Variants in MYO9A observed in about 807,000 individuals in gnomAD.
MYO9A encodes myosin IXA.
In MYO9A, 103 loss-of-function variants were observed where a neutral mutation model predicts 293.3. The observed-to-expected ratio is 0.35, with a 90% CI of 0.30 to 0.41. The LOEUF (loss-of-function observed/expected upper bound fraction) is 0.41, where lower values mean the gene tolerates loss of function less well. MYO9A is among the 10% of genes least tolerant of loss of function. The probability of loss-of-function intolerance (pLI) is 1.00; values close to 1 mark genes in which losing one functional copy is unlikely to be tolerated. For missense variants in MYO9A, 2,685 were observed against 3,033.0 expected, an observed-to-expected ratio of 0.89 and a Z score of 2.69; for synonymous variants, 1,001 against 1,035.7, an observed-to-expected ratio of 0.97 and a Z score of 0.64.
rs775016736 is a variant in MYO9A, at chr15:71,826,729, G to T, written c.7498C>A (p.Gln2500Lys). Reference protein sequence around the residue: ...RGTFNPEKGKQKLKNVKNSPQ... With the variant: ...RGTFNPEKGKKKLKNVKNSPQ... ...GAGTTTTTCACATTCTTTAATTTTT[G>T]TTTGCCCTTTTCCGGGTTGAAGGTT... The change falls in exon 42 of 42, where the codon CAA (glutamine) becomes AAA (lysine). Residue 2500 changes from glutamine to lysine, a missense_variant. By Grantham distance (53) the Gln-to-Lys change is moderately conservative. Around this residue, in one of 10 missense-constraint regions of MYO9A, gnomAD observed 350 missense variants for 328.9 expected, o/e 1.06. Coordinates refer to ENST00000356056, the MANE Select transcript of MYO9A (RefSeq NM_006901.4). 1 of 1,614,056 alleles carries T rather than the reference G, an allele frequency of 6.2e-7. No homozygotes were observed. The highest frequency in any genetic ancestry group is 8.5e-7 in the Non-Finnish European group (1 of 1,179,972).
At chr15:72,054,358 T>C (rs1169198046) in intron 1 of MYO9A, among the ~76,000 whole-genome samples, 2 of 152,126 alleles carry the variant, frequency 1.3e-5, no homozygotes, top group South Asian at 2.1e-4. Flanking sequence ...TAGCAGATGT[T>C]GATCGAATCT....
At chr15:72,058,404 G>A (rs1189579876) in intron 1 of MYO9A, among the ~76,000 whole-genome samples, 1 of 151,878 alleles carries the variant, frequency 6.6e-6, no homozygotes, top group Non-Finnish European at 1.5e-5. Context: ...GCAATTCTTA[G>A]ACAAAAATAA....
chr15:71,854,515 T>C lies in MYO9A; in HGVS notation c.6208A>G (p.Ser2070Gly). The C allele has an allele frequency of 6.2e-7, 1 of 1,612,968 alleles. No homozygotes were observed. The change falls in exon 35 of 42, where the codon AGT becomes GGT. Residue 2070 changes from serine (S) to glycine (G), a missense_variant. Coordinates refer to ENST00000356056, the MANE Select transcript of MYO9A (RefSeq NM_006901.4). ...QFGVELSRLTSEDRTVPLVVE... is the reference protein window; with the variant it reads ...QFGVELSRLTGEDRTVPLVVE... ...ACTAAAGGAACAGTTCGGTCTTCAC[T>C]GGTCAAACGGGACAGTTCAACCCCA...
At chr15:71,980,457 C>A (rs2076244810) in intron 11 of MYO9A, among the ~76,000 whole-genome samples, 1 of 152,054 alleles carries the variant, frequency 6.6e-6, no homozygotes, top group Non-Finnish European at 1.5e-5. Flanking sequence ...GCTTTGATTT[C>A]CCTGATGAAT....
chr15:72,109,548 G>A (rs926590793), intron 1 of MYO9A, among the ~76,000 whole-genome samples: 2 of 152,036 alleles, frequency 1.3e-5, no homozygotes, highest in African/African-American at 4.8e-5. Flanking sequence ...CAATAGGGGA[G>A]GGAAGAAAGA....
chr15:72,102,970 G>T (rs1432548069), intron 1 of MYO9A, among the ~76,000 whole-genome samples: 1 of 147,638 alleles, frequency 6.8e-6, no homozygotes, highest in East Asian at 2.2e-4. Flanking sequence ...ATTATATATG[G>T]TTTTTTTTGT....
In MYO9A at chr15:71,824,046, A is replaced by C. The variant is rs1259436346; in HGVS notation, c.*2534T>G. 6.6e-6 allele frequency: 1 copy of C among 152,222 alleles called. No individual in the cohort carries two copies. The highest frequency in any genetic ancestry group is 1.9e-4 in the East Asian group (1 of 5,196). The allele number at this position is 152,222 out of a possible 1,614,324, so 9.4% of individuals were successfully genotyped here. The stretch of plus-strand genomic sequence containing the variant: ...TCTCTTGATCAGGCCAACAAGGCCT[A>C]CTACCCTATGTAAACAACGGCTTTC... On this transcript the variant is annotated 3_prime_UTR_variant, in exon 42 of 42. Coordinates refer to ENST00000356056, the MANE Select transcript of MYO9A (RefSeq NM_006901.4).
intron 15 of MYO9A, among the ~76,000 whole-genome samples, chr15:71,946,322 C>T (rs529401366): frequency 3.0e-4 from 45 of 152,168 alleles, no homozygotes; most frequent in Non-Finnish European, 1.3e-4. Context: ...GCCTAAACTT[C>T]GTGTGGGGGG....
At chr15:72,101,819 C>T (rs1356199042) in intron 1 of MYO9A, among the ~76,000 whole-genome samples, 1 of 25,562 alleles carries the variant, frequency 3.9e-5, no homozygotes, top group Admixed American at 4.7e-4. Flanking sequence ...AGGGAGGTGG[C>T]GGGGTCAGCC....
At position 71,842,610 on chromosome 15, in the gene MYO9A, A is replaced by G. The variant is rs368278054; in HGVS notation, c.6837+6235T>C. Among the ~76,000 whole-genome samples the G allele has an allele frequency of 7.9e-5, 12 of 152,256 alleles. No individual in the cohort carries two copies. In the East Asian group the frequency reaches 1.9e-3, roughly 25 times the overall value. ...CACGGTGGCTCACACTTGTAATCCC[A>G]GCATTTTGGGAGGCTGAGACGGGCA... On this transcript the variant is annotated intron_variant, in intron 39 of 41. Coordinates refer to ENST00000356056, the MANE Select transcript of MYO9A (RefSeq NM_006901.4).
At chr15:72,101,273 C>G (rs1350702541) in intron 1 of MYO9A, among the ~76,000 whole-genome samples, 21 of 134,886 alleles carry the variant, frequency 1.6e-4, no homozygotes, top group African/African-American at 5.6e-4. Context: ...CGGCCAGCCG[C>G]CCCGTCAGGG....
chr15:71,931,032 A>C (rs2058460935), intron 18 of MYO9A, among the ~76,000 whole-genome samples: 1 of 152,156 alleles, frequency 6.6e-6, no homozygotes, highest in Non-Finnish European at 1.5e-5. Flanking sequence ...GTGTCCCTTC[A>C]CAAACTATTG....
chr15:72,024,677 A>AT (rs2077609067), intron 4 of MYO9A, among the ~76,000 whole-genome samples: 1 of 152,258 alleles, frequency 6.6e-6, no homozygotes, highest in East Asian at 1.9e-4. Context: ...AGTAATTTGC[A>AT]TAACAATTAC....
chr15:72,105,432 G>C (rs530944444), intron 1 of MYO9A, among the ~76,000 whole-genome samples: 1 of 150,888 alleles, frequency 6.6e-6, no homozygotes, highest in African/African-American at 2.4e-5. Flanking sequence ...TCATTATGTT[G>C]CCCAAGCTGG....
In MYO9A at chr15:71,877,173, T is replaced by C. The variant is rs192445582; in HGVS notation, c.5931+867A>G. ...TACTGAAAAGAAACACATTGATAAC[T>C]TTGTCTAAGCCTGATGTCTCTTCTG... On this transcript the variant is annotated intron_variant, in intron 31 of 41. Transcript: ENST00000356056. Among the ~76,000 whole-genome samples the C allele has an allele frequency of 5.3e-5, 8 of 152,332 alleles. No homozygotes were observed. The East Asian group carries it at 1.5e-3, about 29-fold the overall frequency.
At position 71,851,288 on chromosome 15, in the gene MYO9A, G is replaced by A. The variant is rs745414329; in HGVS notation, c.6546C>T (p.Leu2182=). Residue 2182 remains leucine, a synonymous_variant, in exon 37 of 42, where the codon CTC becomes CTT. Transcript: ENST00000356056. ...GAAAGATGAGGCGTTCCAGTGTATT[G>A]AGATGAGTTCGGGAGAGTTGATCAA... ...SVIDQLSRTH[L]NTLERLIFHL... The A allele has an allele frequency of 2.2e-5, 36 of 1,613,880 alleles. No individual in the cohort carries two copies. The highest frequency in any genetic ancestry group is 2.9e-5 in the Non-Finnish European group (34 of 1,179,934).
chr15:72,111,556 G>A (rs1380273898), intron 1 of MYO9A, among the ~76,000 whole-genome samples: 1 of 151,594 alleles, frequency 6.6e-6, no homozygotes, highest in Non-Finnish European at 1.5e-5. Flanking sequence ...AAGACTTACT[G>A]AGTACCTACT....
At chr15:72,109,718 G>T (rs2151092597) in intron 1 of MYO9A, among the ~76,000 whole-genome samples, 1 of 151,918 alleles carries the variant, frequency 6.6e-6, no homozygotes, top group Non-Finnish European at 1.5e-5. Flanking sequence ...GTGAAACCCT[G>T]TCTCTATTAA....
intron 32 of MYO9A, among the ~76,000 whole-genome samples, chr15:71,867,961 A>C (rs1336720564): frequency 6.6e-6 from 1 of 152,156 alleles, no homozygotes. Context: ...CTACTGTATT[A>C]GTTTTCTATT....
Sources: allele counts gnomAD v4.1 joint callset (sites outside exome capture counted in the v4.1 genomes callset), GRCh38; gene constraint gnomAD v4.1.1; regional missense constraint gnomAD v4.1.1; transcripts MANE v1.5; gene names NCBI Gene and HGNC (gene_info 2026-07-23, HGNC 2026-07-21).